Variants in EBF3 observed in about 807,000 individuals in gnomAD.
EBF3 encodes the protein EBF transcription factor 3, also known as transcription factor COE3.
In EBF3, 18 loss-of-function variants were observed where a neutral mutation model predicts 77.1. That is an observed-to-expected ratio of 0.23 (90% CI 0.16 to 0.35). The LOEUF (loss-of-function observed/expected upper bound fraction) is 0.35. Ranked by LOEUF, EBF3 falls within the 10% of genes least tolerant of loss-of-function variation. The pLI is 1.00. For missense variants in EBF3, 558 were observed against 860.0 expected, an observed-to-expected ratio of 0.65 and a Z score of 4.39; for synonymous variants, 350 against 343.5, an observed-to-expected ratio of 1.02 and a Z score of -0.21.
chr10:129,931,067 T>C (rs1856997037), intron 6 of EBF3, among the ~76,000 whole-genome samples: 1 of 151,502 alleles, frequency 6.6e-6, no homozygotes, highest in Non-Finnish European at 1.5e-5. Flanking sequence ...TATATCTGTA[T>C]CTATATCTGT....
In EBF3 at chr10:129,873,868, A is replaced by G. The variant is rs1363139871; in HGVS notation, c.637-272T>C. On this transcript the variant is annotated intron_variant, in intron 7 of 16. Coordinates refer to ENST00000440978, the MANE Select transcript of EBF3 (RefSeq NM_001375380.1). ...CCTATTATGCTAACAAGTGAATTCA[A>G]TTCAGAGAAATATTCTTCTAGCCAT... 7.2e-5 allele frequency among the ~76,000 whole-genome samples: 11 copies of G among 152,358 alleles called. No homozygotes were observed. The South Asian group carries it at 1.2e-3, about 17-fold the overall frequency.
In EBF3 at chr10:129,841,743, G is replaced by A. The variant is rs545554984; in HGVS notation, c.1372+373C>T. Among the ~76,000 whole-genome samples the A allele has an allele frequency of 8.5e-4, 129 of 152,242 alleles. No homozygotes were observed. The highest frequency in any genetic ancestry group is 1.6e-3 in the Non-Finnish European group (109 of 68,022). On this transcript the variant is annotated intron_variant, in intron 13 of 16. Coordinates refer to ENST00000440978, the MANE Select transcript of EBF3 (RefSeq NM_001375380.1). The surrounding 1 kb of genome is among the most constrained non-coding windows in gnomAD (Gnocchi z 4.6). ...TCCAAACTTAGACCCAAATCCCGCC[G>A]TGCAGTGCGTCCAAGCAGGCTCCCC...
intron 10 of EBF3, among the ~76,000 whole-genome samples, chr10:129,849,315 T>C (rs1850694291): frequency 6.6e-6 from 1 of 152,270 alleles, no homozygotes; most frequent in South Asian, 2.1e-4. Context: ...AGTACATTAC[T>C]TCTTGATGTA....
chr10:129,883,490 C>G (rs1168503373), intron 6 of EBF3, among the ~76,000 whole-genome samples: 1 of 152,034 alleles, frequency 6.6e-6, no homozygotes, highest in African/African-American at 2.4e-5. Context: ...AGGCAGAGAG[C>G]TCTTAATAAG....
intron 6 of EBF3, among the ~76,000 whole-genome samples, chr10:129,918,460 G>A (rs893133257): frequency 6.6e-6 from 1 of 152,198 alleles, no homozygotes; most frequent in African/African-American, 2.4e-5. Flanking sequence ...AATCAAAGTG[G>A]ACCACCAGAC....
intron 6 of EBF3, among the ~76,000 whole-genome samples, chr10:129,948,552 C>T (rs1858417984): frequency 1.5e-5 from 2 of 131,986 alleles, no homozygotes; most frequent in South Asian, 4.8e-4. Flanking sequence ...AGTTCATATT[C>T]GTGTATCAGC....
chr10:129,956,054 C>T (rs1859013602), intron 6 of EBF3, among the ~76,000 whole-genome samples: 1 of 152,220 alleles, frequency 6.6e-6, no homozygotes, highest in Non-Finnish European at 1.5e-5. Context: ...GTGACAGCCA[C>T]AACTGGTCAA....
At chr10:129,881,960 C>T (rs1853243322) in intron 6 of EBF3, among the ~76,000 whole-genome samples, 1 of 152,176 alleles carries the variant, frequency 6.6e-6, no homozygotes, top group Non-Finnish European at 1.5e-5. Context: ...ACTCCAGTGC[C>T]AGCATAAGCG....
chr10:129,878,683 A>AAAAAAAG, intron 6 of EBF3, among the ~76,000 whole-genome samples: 1 of 148,836 alleles, frequency 6.7e-6, no homozygotes, highest in Non-Finnish European at 1.5e-5. Context: ...AAAAAAAAAA[A>AAAAAAAG]GAGTTACAGT....
chr10:129,929,723 G>A (rs1856884146), intron 6 of EBF3, among the ~76,000 whole-genome samples: 2 of 152,154 alleles, frequency 1.3e-5, no homozygotes, highest in Non-Finnish European at 2.9e-5. Flanking sequence ...TGCCATCAAG[G>A]TGGCATCCTC....
chr10:129,931,442 G>T (rs1332871040), intron 6 of EBF3, among the ~76,000 whole-genome samples: 6 of 152,208 alleles, frequency 3.9e-5, no homozygotes, highest in Admixed American at 3.3e-4. Context: ...GGCCAAAGTG[G>T]ACTCCAGAAT....
Position 129,840,240 on chromosome 10 carries a change from C to T in EBF3, c.1759+5G>A, listed in dbSNP as rs374914233. On this transcript the variant is annotated splice_donor_5th_base_variant and intron_variant, in intron 15 of 16. Coordinates refer to ENST00000440978, the MANE Select transcript of EBF3 (RefSeq NM_001375380.1). ...CACTGGCCCACGGCCCCGCACCACC[C>T]TCACCTTGCAGTCCATTCCCGTTGG... 176 of 1,562,228 alleles carry T rather than the reference C, an allele frequency of 1.1e-4. No homozygotes were observed. Among genetic ancestry groups the T allele is most frequent in the Non-Finnish European group, 1.2e-4 (136 of 1,152,412 alleles).
intron 6 of EBF3, among the ~76,000 whole-genome samples, chr10:129,907,919 A>C (rs1322631563): frequency 6.6e-6 from 1 of 152,238 alleles, no homozygotes; most frequent in Non-Finnish European, 1.5e-5. Context: ...AGCAAAAAAT[A>C]CAATTTGTGG....
chr10:129,851,738 G>A (rs192581752), intron 10 of EBF3, among the ~76,000 whole-genome samples: 14 of 152,200 alleles, frequency 9.2e-5, no homozygotes, highest in African/African-American at 2.2e-4. Flanking sequence ...AAATTATATC[G>A]TTTAAGATAT....
At chr10:129,903,663 T>C (rs950840559) in intron 6 of EBF3, among the ~76,000 whole-genome samples, 2 of 152,004 alleles carry the variant, frequency 1.3e-5, no homozygotes, top group Admixed American at 1.3e-4. Flanking sequence ...GAATCAGGAG[T>C]GGGGACATAT....
At chr10:129,900,392 G>T (rs1376172685) in intron 6 of EBF3, among the ~76,000 whole-genome samples, 1 of 152,194 alleles carries the variant, frequency 6.6e-6, no homozygotes, top group African/African-American at 2.4e-5. Context: ...AGCAAGGATG[G>T]GGGGTAGGAG....
chr10:129,905,377 A>C (rs1380385702), intron 6 of EBF3, among the ~76,000 whole-genome samples: 4 of 152,134 alleles, frequency 2.6e-5, no homozygotes, highest in Non-Finnish European at 5.9e-5. Context: ...ACGTATTGAA[A>C]TAATAATCTT....
chr10:129,915,724 T>C (rs1233548943), intron 6 of EBF3, among the ~76,000 whole-genome samples: 3 of 152,218 alleles, frequency 2.0e-5, no homozygotes, highest in African/African-American at 7.2e-5. Flanking sequence ...CATTCCCGCA[T>C]GGCACCAACA....
rs111900506 is a variant in EBF3, at chr10:129,943,677, A to ATT, written c.554+13579_554+13580dup. ...TTTCCTCATTTATTTTCCTTCAGAC[A>ATT]TTTTTTTTTTACCTCTGCTATGAAT... On this transcript the variant is annotated intron_variant, in intron 6 of 16. Transcript: ENST00000440978. The surrounding 1 kb of genome is among the most constrained non-coding windows in gnomAD (Gnocchi z 8.8). Among the ~76,000 whole-genome samples the ATT allele has an allele frequency of 0.032, 4,851 of 149,690 alleles. 252 individuals are homozygous for ATT. The highest frequency in any genetic ancestry group is 0.22 in the East Asian group (1,130 of 5,110).
Sources: allele counts gnomAD v4.1 joint callset (sites outside exome capture counted in the v4.1 genomes callset), GRCh38; gene constraint gnomAD v4.1.1; non-coding constraint Gnocchi (gnomAD v3.1); transcripts MANE v1.5; gene names NCBI Gene and HGNC (gene_info 2026-07-23, HGNC 2026-07-21).